RFTN2: variants seen among roughly 807,000 people sequenced by gnomAD.
RFTN2 encodes raftlin-2.
RFTN2 carries 34 observed loss-of-function variants against 52.7 expected under a neutral mutation model. That is an observed-to-expected ratio of 0.64 (90% CI 0.49 to 0.86). RFTN2 has a LOEUF of 0.86. RFTN2 is among the 40% of genes least tolerant of loss of function. The pLI, the probability that RFTN2 is intolerant of heterozygous loss-of-function variation, is 0.00. For synonymous variants in RFTN2, 203 were observed against 217.7 expected (o/e 0.93, Z 0.59); for missense variants, 536 against 600.1 (o/e 0.89, Z 1.12).
intron 3 of RFTN2, among the ~76,000 whole-genome samples, chr2:197,642,937 C>T (rs2088695636): frequency 6.6e-6 from 1 of 152,100 alleles, no homozygotes; most frequent in South Asian, 2.1e-4. Context: ...TATGATTGTG[C>T]CACTATACTC....
intron 7 of RFTN2, among the ~76,000 whole-genome samples, chr2:197,610,203 G>C (rs1175452718): frequency 6.6e-6 from 1 of 152,084 alleles, no homozygotes; most frequent in East Asian, 1.9e-4. Flanking sequence ...AAATTACCTT[G>C]GGCAGTATGG....
chr2:197,610,941 C>G (rs1344136481), intron 7 of RFTN2, among the ~76,000 whole-genome samples: 3 of 152,106 alleles, frequency 2.0e-5, no homozygotes, highest in African/African-American at 4.8e-5. Context: ...GTTGAACCAG[C>G]CTTGCATCCC....
At chr2:197,667,079 C>A (rs1435022908) in intron 1 of RFTN2, among the ~76,000 whole-genome samples, 1 of 152,154 alleles carries the variant, frequency 6.6e-6, no homozygotes, top group Non-Finnish European at 1.5e-5. Context: ...TTCCTGGGTT[C>A]AAGTGACTCT....
chr2:197,640,143 G>A (rs1418451077), intron 3 of RFTN2, among the ~76,000 whole-genome samples: 2 of 152,226 alleles, frequency 1.3e-5, no homozygotes, highest in Non-Finnish European at 2.9e-5. Context: ...TCTCTTCAAA[G>A]CTGTCAGACA....
chr2:197,591,686 G>T (rs1438476481), intron 8 of RFTN2, among the ~76,000 whole-genome samples: 1 of 152,166 alleles, frequency 6.6e-6, no homozygotes, highest in Non-Finnish European at 1.5e-5. Context: ...CGGGCTGCAG[G>T]TCCTGAGCCC....
intron 1 of RFTN2, 110 bp downstream of exon 1, chr2:197,675,210 T>C (rs2089199583): frequency 1.2e-6 from 1 of 804,944 alleles, no homozygotes; most frequent in Non-Finnish European, 1.8e-6. Flanking sequence ...TGTTTGAATA[T>C]ACAATCTCAT....
At chr2:197,586,637 T>G (rs896383438) in intron 8 of RFTN2, among the ~76,000 whole-genome samples, 16 of 152,176 alleles carry the variant, frequency 1.1e-4, no homozygotes, top group Admixed American at 9.8e-4. Context: ...TGCTTGTCAG[T>G]TTAGGACTTT....
At chr2:197,634,342 A>G (rs904053218) in intron 3 of RFTN2, among the ~76,000 whole-genome samples, 3 of 152,222 alleles carry the variant, frequency 2.0e-5, no homozygotes, top group Non-Finnish European at 4.4e-5. Flanking sequence ...GAGCAAAATT[A>G]AAACCTATTC....
chr2:197,590,966 G>A (rs2087701988), intron 8 of RFTN2, among the ~76,000 whole-genome samples: 1 of 152,318 alleles, frequency 6.6e-6, no homozygotes, highest in South Asian at 2.1e-4. Context: ...TGCCACTGCT[G>A]GCTGAGGCAG....
chr2:197,588,169 C>T lies in RFTN2; in HGVS notation c.1233+7822G>A, dbSNP rs1198695719. ...AAAACCCACCTATAATTCCATCTCC[C>T]AGAAATACAACTGTTAAAACCTCGG... On this transcript the variant is annotated intron_variant, in intron 8 of 8. Coordinates refer to ENST00000295049, the MANE Select transcript of RFTN2 (RefSeq NM_144629.3). 3 of 379,776 alleles carry T rather than the reference C, an allele frequency of 7.9e-6. No individual in the cohort carries two copies. In the Admixed American group the frequency reaches 1.1e-4, roughly 14 times the overall value. The allele number at this position is 379,776 out of a possible 1,614,324, so 23.5% of individuals were successfully genotyped here. A position where few individuals can be genotyped will look rare whatever the true frequency, so the allele number is the denominator to read the frequency against.
chr2:197,604,485 C>A (rs2087928245), intron 7 of RFTN2, among the ~76,000 whole-genome samples: 1 of 152,122 alleles, frequency 6.6e-6, no homozygotes, highest in South Asian at 2.1e-4. Flanking sequence ...TGATTCCATT[C>A]ATATAAAGTT....
chr2:197,611,233 G>A (rs912122885), intron 7 of RFTN2, among the ~76,000 whole-genome samples: 6 of 152,146 alleles, frequency 3.9e-5, no homozygotes, highest in Admixed American at 2.0e-4. Context: ...CTGTGAATCC[G>A]TCTGGTCCTG....
intron 1 of RFTN2, among the ~76,000 whole-genome samples, chr2:197,673,899 A>C (rs943218792): frequency 6.6e-6 from 1 of 152,208 alleles, no homozygotes; most frequent in African/African-American, 2.4e-5. Context: ...TCATGAATAC[A>C]CAGTGTTTCA....
At chr2:197,646,975 A>G (rs1452559941) in intron 1 of RFTN2, among the ~76,000 whole-genome samples, 3 of 151,274 alleles carry the variant, frequency 2.0e-5, no homozygotes, top group African/African-American at 7.3e-5. Context: ...ATACATTTTT[A>G]AAGTCATTTC....
intron 1 of RFTN2, among the ~76,000 whole-genome samples, chr2:197,647,249 G>T (rs142157973): frequency 0.012 from 1,801 of 151,974 alleles, 44 homozygotes; most frequent in African/African-American, 0.04. Flanking sequence ...TTGAGAGAGG[G>T]TCTCACTCTG....
intron 5 of RFTN2, among the ~76,000 whole-genome samples, chr2:197,629,736 T>A (rs200061937): frequency 6.5e-4 from 46 of 71,278 alleles, no homozygotes; most frequent in African/African-American, 1.2e-3. Flanking sequence ...ATTTTATTTT[T>A]TTTTGAGACA....
At chr2:197,640,938 G>C (rs1402347383) in intron 3 of RFTN2, among the ~76,000 whole-genome samples, 1 of 152,078 alleles carries the variant, frequency 6.6e-6, no homozygotes, top group African/African-American at 2.4e-5. Context: ...CTGACGTAGG[G>C]GACTGTGTCT....
chr2:197,601,138 A>G (rs966530917), intron 7 of RFTN2, among the ~76,000 whole-genome samples: 1 of 152,218 alleles, frequency 6.6e-6, no homozygotes, highest in Non-Finnish European at 1.5e-5. Flanking sequence ...TAGTAGATGT[A>G]AAGTTCCTAC....
chr2:197,604,740 C>CTATTTATT (rs111347809), intron 7 of RFTN2, among the ~76,000 whole-genome samples: 60 of 150,452 alleles, frequency 4.0e-4, no homozygotes, highest in East Asian at 2.7e-3. Flanking sequence ...TATGCACATT[C>CTATTTATT]TATTTATTTA....
Sources: allele counts gnomAD v4.1 joint callset (sites outside exome capture counted in the v4.1 genomes callset), GRCh38; gene constraint gnomAD v4.1.1; transcripts MANE v1.5; gene names NCBI Gene and HGNC (gene_info 2026-07-23, HGNC 2026-07-21).